The following CEP112 variants were observed in gnomAD, a reference collection of about 807,000 sequenced individuals.
The protein encoded by CEP112 is centrosomal protein of 112 kDa.
In CEP112, 127 loss-of-function variants were observed where a neutral mutation model predicts 153.0. That is an observed-to-expected ratio of 0.83 (90% CI 0.72 to 0.96). CEP112 has a LOEUF of 0.96. Ranked by LOEUF, CEP112 falls within the 40% of genes least tolerant of loss-of-function variation. The pLI, the probability that CEP112 is intolerant of heterozygous loss-of-function variation, is 0.00. For missense variants in CEP112, 1,089 were observed against 1,101.2 expected (o/e 0.99, Z 0.16); for synonymous variants, 358 against 374.4 (o/e 0.96, Z 0.51).
At chr17:65,699,176 C>G (rs1171513786) in intron 23 of CEP112, among the ~76,000 whole-genome samples, 2 of 152,232 alleles carry the variant, frequency 1.3e-5, no homozygotes, top group Non-Finnish European at 2.9e-5. Flanking sequence ...AGGCTCTGAA[C>G]TTCACCAGAG....
At chr17:65,747,852 C>T (rs1326134615) in intron 22 of CEP112, among the ~76,000 whole-genome samples, 2 of 152,144 alleles carry the variant, frequency 1.3e-5, no homozygotes, top group African/African-American at 4.8e-5. Context: ...GCAGCTTCCT[C>T]TAAAGGAGGA....
chr17:65,920,363 AT>A (rs2060662762), intron 19 of CEP112, among the ~76,000 whole-genome samples: 34 of 3,828 alleles, frequency 8.9e-3, no homozygotes, highest in East Asian at 0.026. Context: ...AACAAACAAA[AT>A]ATATATATAT....
intron 8 of CEP112, among the ~76,000 whole-genome samples, chr17:66,084,688 G>A (rs989679992): frequency 1.3e-5 from 2 of 152,106 alleles, no homozygotes; most frequent in East Asian, 1.9e-4. Flanking sequence ...AAGGCAGGGG[G>A]GGAGTTGGGA....
At chr17:65,970,528 G>A (rs1312454200) in intron 17 of CEP112, among the ~76,000 whole-genome samples, 1 of 151,578 alleles carries the variant, frequency 6.6e-6, no homozygotes, top group Non-Finnish European at 1.5e-5. Flanking sequence ...TTAAATACAT[G>A]TATAACACAT....
chr17:65,925,599 G>A (rs759551344), intron 19 of CEP112, among the ~76,000 whole-genome samples: 12 of 152,034 alleles, frequency 7.9e-5, no homozygotes, highest in Admixed American at 3.3e-4. Flanking sequence ...CATTTTCTAC[G>A]TTTTTACATT....
chr17:66,155,434 G>A (rs2071396109), intron 4 of CEP112, among the ~76,000 whole-genome samples: 2 of 151,884 alleles, frequency 1.3e-5, no homozygotes, highest in East Asian at 1.9e-4. Context: ...CACCACCAGG[G>A]CCCTGGGTTT....
chr17:66,058,598 C>T (rs2066798944), intron 11 of CEP112, among the ~76,000 whole-genome samples: 2 of 152,130 alleles, frequency 1.3e-5, no homozygotes, highest in South Asian at 4.1e-4. Flanking sequence ...CCTGTAATCT[C>T]AGCACTACTG....
chr17:65,640,946 C>G lies in CEP112; in HGVS notation c.2799+18G>C. The G allele has an allele frequency of 7.1e-7, 1 of 1,406,548 alleles. No homozygotes were observed. Among genetic ancestry groups the G allele is most frequent in the Non-Finnish European group, 1.0e-6 (1 of 992,422 alleles). The allele number at this position is 1,406,548 out of a possible 1,614,324, so 87.1% of individuals were successfully genotyped here. On this transcript the variant is annotated intron_variant, in intron 25 of 26. Transcript: ENST00000535342. Reference sequence around the variant, plus strand: ...TATCCCCTAAATCCTTGGAAAATGCCTTGATTCTAGTAATTACCTGTGATT... The same window carrying G: ...TATCCCCTAAATCCTTGGAAAATGCGTTGATTCTAGTAATTACCTGTGATT...
chr17:65,904,097 G>A (rs992320913), intron 19 of CEP112, among the ~76,000 whole-genome samples: 1 of 152,164 alleles, frequency 6.6e-6, no homozygotes, highest in Non-Finnish European at 1.5e-5. Flanking sequence ...GGAAGTTCTG[G>A]TCAGGGCAAT....
chr17:65,836,602 C>T (rs1401526887), intron 21 of CEP112, among the ~76,000 whole-genome samples: 4 of 152,012 alleles, frequency 2.6e-5, no homozygotes, highest in Non-Finnish European at 5.9e-5. Context: ...TATACCTGCA[C>T]CCAACACTAT....
At chr17:66,087,447 T>C (rs2067980790) in intron 8 of CEP112, among the ~76,000 whole-genome samples, 1 of 152,160 alleles carries the variant, frequency 6.6e-6, no homozygotes, top group Admixed American at 6.5e-5. Context: ...ATGACAATTT[T>C]TAGAAAAAGA....
chr17:65,856,836 T>C (rs144758916), intron 20 of CEP112, among the ~76,000 whole-genome samples: 350 of 152,360 alleles, frequency 2.3e-3, no homozygotes, highest in African/African-American at 8.1e-3. Flanking sequence ...CACATTGTCA[T>C]CACTGTGTAG....
intron 23 of CEP112, among the ~76,000 whole-genome samples, chr17:65,694,957 G>A (rs926002920): frequency 6.6e-6 from 1 of 152,200 alleles, no homozygotes; most frequent in Non-Finnish European, 1.5e-5. Flanking sequence ...CAGTTAAATT[G>A]TTTATTCTGC....
At chr17:66,183,074 G>A (rs904633593) in intron 2 of CEP112, 120 bp downstream of exon 2, 2 of 656,624 alleles carry the variant, frequency 3.0e-6, no homozygotes, top group African/African-American at 3.7e-5. Flanking sequence ...CTATGTCAAT[G>A]GCAAAAATTG....
intron 4 of CEP112, among the ~76,000 whole-genome samples, chr17:66,136,459 C>T (rs752496727): frequency 3.3e-5 from 5 of 151,810 alleles, no homozygotes; most frequent in African/African-American, 7.3e-5. Context: ...TAAACACTCA[C>T]GGCCAGAGCT....
At chr17:66,173,447 C>G (rs148846256) in intron 4 of CEP112, among the ~76,000 whole-genome samples, 1 of 152,180 alleles carries the variant, frequency 6.6e-6, no homozygotes, top group East Asian at 1.9e-4. Context: ...TCTACCCACA[C>G]GATTCATTCA....
chr17:65,842,696 C>G (rs1415057605), intron 21 of CEP112, among the ~76,000 whole-genome samples: 1 of 152,072 alleles, frequency 6.6e-6, no homozygotes, highest in Non-Finnish European at 1.5e-5. Flanking sequence ...GATACGAGTG[C>G]CTCACATACA....
At chr17:65,937,994 A>G (rs1291545298) in intron 18 of CEP112, among the ~76,000 whole-genome samples, 1 of 120,538 alleles carries the variant, frequency 8.3e-6, no homozygotes, top group Admixed American at 1.0e-4. Flanking sequence ...AGGTGGGGAA[A>G]AGATTGAGAA....
chr17:66,096,848 C>T (rs2068368045), intron 6 of CEP112, among the ~76,000 whole-genome samples: 1 of 152,094 alleles, frequency 6.6e-6, no homozygotes. Context: ...AATGAACCTT[C>T]ATGATCCTCT....
Sources: gnomAD v4.1 joint callset for allele counts (sites outside exome capture counted in the v4.1 genomes callset) on GRCh38, gnomAD v4.1.1 for gene constraint, MANE v1.5 for transcripts, NCBI Gene and HGNC (gene_info 2026-07-23, HGNC 2026-07-21) for gene names.